Variants in AGAP1 observed in about 807,000 individuals in gnomAD.
The protein encoded by AGAP1 is arf-GAP with GTPase, ANK repeat and PH domain-containing protein 1.
A neutral mutation model predicts 105.3 loss-of-function variants in AGAP1; 29 were observed. That is an observed-to-expected ratio of 0.28 (90% CI 0.21 to 0.38). AGAP1 has a LOEUF of 0.38. Ranked by LOEUF, AGAP1 falls within the 10% of genes least tolerant of loss-of-function variation. AGAP1 has a pLI of 1.00. For missense variants in AGAP1, 998 were observed against 1,165.1 expected, an observed-to-expected ratio of 0.86 and a Z score of 2.09; for synonymous variants, 509 against 485.9, an observed-to-expected ratio of 1.05 and a Z score of -0.63.
At chr2:236,018,234 G>A (rs185589026) in intron 13 of AGAP1, among the ~76,000 whole-genome samples, 2 of 152,310 alleles carry the variant, frequency 1.3e-5, no homozygotes, top group Admixed American at 1.3e-4. Context: ...GAATGGAAGG[G>A]TGTCTTAATG....
chr2:235,751,803 G>A lies in AGAP1; in HGVS notation c.673+1315G>A, dbSNP rs565521113. Among the ~76,000 whole-genome samples the A allele has an allele frequency of 3.9e-5, 6 of 152,182 alleles. No homozygotes were observed. Among genetic ancestry groups the A allele is most frequent in the Admixed American group, 1.3e-4 (2 of 15,278 alleles). On this transcript the variant is annotated intron_variant, in intron 6 of 17. Transcript: ENST00000304032. This position sits in a 1 kb window ranked among gnomAD's most constrained non-coding sequence, Gnocchi z 5.3. ...TGCTTCATGGCTTAGGTTTCTTCTC[G>A]CCTTATCCAGTGCCAATGCTGAAGA...
In AGAP1 at chr2:235,951,884, T is replaced by C. The variant is rs1409569817; in HGVS notation, c.1484-16578T>C. On this transcript the variant is annotated intron_variant, in intron 12 of 17. Coordinates refer to ENST00000304032, the MANE Select transcript of AGAP1 (RefSeq NM_001037131.3). The surrounding 1 kb of genome is among the most constrained non-coding windows in gnomAD (Gnocchi z 4.2). ...GTTCCTTTCAAGAGGAAGTCTTAGC[T>C]ACAGATTTTTGGTGGAAACAAATGG... Among the ~76,000 whole-genome samples the C allele has an allele frequency of 6.6e-6, 1 of 152,152 alleles. No individual in the cohort carries two copies. Among genetic ancestry groups the C allele is most frequent in the Non-Finnish European group, 1.5e-5 (1 of 68,034 alleles).
At chr2:235,794,179 C>G (rs991094206) in intron 6 of AGAP1, among the ~76,000 whole-genome samples, 1 of 152,198 alleles carries the variant, frequency 6.6e-6, no homozygotes, top group Non-Finnish European at 1.5e-5. Context: ...TACACACACA[C>G]ACGCACACTT....
intron 13 of AGAP1, among the ~76,000 whole-genome samples, chr2:236,021,752 C>A (rs114281889): frequency 0.018 from 2,767 of 151,916 alleles, 78 homozygotes; most frequent in African/African-American, 0.063. Flanking sequence ...GTTTTGGAGT[C>A]TTTTCTTAAT....
chr2:235,619,352 G>C (rs548863559), intron 1 of AGAP1, among the ~76,000 whole-genome samples: 2 of 150,458 alleles, frequency 1.3e-5, no homozygotes, highest in Admixed American at 1.3e-4. Flanking sequence ...GGGCTGAAGT[G>C]GGGGAGCTGG....
In AGAP1 at chr2:235,953,287, A is replaced by G. The variant is rs376727829; in HGVS notation, c.1484-15175A>G. On this transcript the variant is annotated intron_variant, in intron 12 of 17. Coordinates refer to ENST00000304032, the MANE Select transcript of AGAP1 (RefSeq NM_001037131.3). The surrounding 1 kb of genome is among the most constrained non-coding windows in gnomAD (Gnocchi z 5.2). ...CATTTGATTTAACCCCCAAAAAAGT[A>G]CCCCGATGGTTCCCACAGTTGCCTT... Among the ~76,000 whole-genome samples the G allele has an allele frequency of 2.9e-3, 443 of 152,308 alleles. 1 individual carries two copies. The highest frequency in any genetic ancestry group is 4.9e-3 in the Non-Finnish European group (330 of 68,022).
intron 6 of AGAP1, among the ~76,000 whole-genome samples, chr2:235,772,039 A>C (rs369233821): frequency 7.6e-6 from 1 of 132,306 alleles, no homozygotes; most frequent in Non-Finnish European, 1.5e-5. Flanking sequence ...TCTGTTGCCC[A>C]GGCTGGAACG....
rs892261616 is a variant in AGAP1 at position 235,978,884 on chromosome 2, A to G, written c.1645+10261A>G. On this transcript the variant is annotated intron_variant, in intron 13 of 17. Transcript: ENST00000304032. ...TTGTGGTATGGCTTCCTTGCAAACAAGTGCATGCACACTCTGATACGTTTT... is the reference window on the plus strand; with the variant it reads ...TTGTGGTATGGCTTCCTTGCAAACAGGTGCATGCACACTCTGATACGTTTT... 3.9e-5 allele frequency among the ~76,000 whole-genome samples: 6 copies of G among 152,208 alleles called. No homozygotes were observed. In the East Asian group the frequency reaches 1.2e-3, roughly 29 times the overall value.
At chr2:235,525,193 T>C (rs997809698) in intron 1 of AGAP1, among the ~76,000 whole-genome samples, 3 of 152,250 alleles carry the variant, frequency 2.0e-5, no homozygotes, top group Non-Finnish European at 4.4e-5. Flanking sequence ...GATATTGATA[T>C]GATCTTAAGC....
At chr2:235,880,317 C>T (rs2049951829) in intron 9 of AGAP1, among the ~76,000 whole-genome samples, 1 of 151,984 alleles carries the variant, frequency 6.6e-6, no homozygotes, top group Admixed American at 6.6e-5. Flanking sequence ...CGTGGAGCCC[C>T]GAGGGTGTGC....
intron 9 of AGAP1, among the ~76,000 whole-genome samples, chr2:235,827,616 G>A (rs1320293919): frequency 1.3e-5 from 2 of 152,146 alleles, no homozygotes; most frequent in Non-Finnish European, 2.9e-5. Context: ...AGGGGAGAGG[G>A]TGTGGCTGTG....
At chr2:235,858,759 A>T (rs768029109) in intron 9 of AGAP1, among the ~76,000 whole-genome samples, 2 of 152,232 alleles carry the variant, frequency 1.3e-5, no homozygotes, top group African/African-American at 4.8e-5. Flanking sequence ...TGTGAAATTG[A>T]TGAGCAGGGA....
At position 235,830,084 on chromosome 2, in the gene AGAP1, A is replaced by C. The variant is rs1318006438; in HGVS notation, c.1050+22753A>C. ...GATGCAGAGCTTTGGCGGCTGGCTG[A>C]TGGAGTCGTTCTCATTTGTGAAGAC... On this transcript the variant is annotated intron_variant, in intron 9 of 17. Coordinates refer to ENST00000304032, the MANE Select transcript of AGAP1 (RefSeq NM_001037131.3). The surrounding 1 kb of genome is among the most constrained non-coding windows in gnomAD (Gnocchi z 5.5). 6.6e-6 allele frequency among the ~76,000 whole-genome samples: 1 copy of C among 152,122 alleles called. No individual in the cohort carries two copies. Among genetic ancestry groups the C allele is most frequent in the African/African-American group, 2.4e-5 (1 of 41,428 alleles).
chr2:235,584,878 C>CGT lies in AGAP1; in HGVS notation c.163+90032_163+90033dup, dbSNP rs544619901. Among the ~76,000 whole-genome samples the CGT allele has an allele frequency of 8.7e-5, 12 of 137,416 alleles. No homozygotes were observed. In the South Asian group the frequency reaches 2.9e-3, roughly 33 times the overall value. 90.2% of individuals were successfully genotyped at this position (137,416 alleles called of 152,430 possible). A position where few individuals can be genotyped will look rare whatever the true frequency, so the allele number is the denominator to read the frequency against. On this transcript the variant is annotated intron_variant, in intron 1 of 17. Transcript: ENST00000304032. ...TTGGAGGCCATTGGCTATTGTGTAT[C>CGT]GTGTATCGTGGCTAAGTCATTACCT...
chr2:235,796,587 A>C (rs1957254359), intron 6 of AGAP1, among the ~76,000 whole-genome samples: 1 of 152,162 alleles, frequency 6.6e-6, no homozygotes, highest in Admixed American at 6.5e-5. Flanking sequence ...ATTTTCACTT[A>C]ATCATATTTA....
chr2:235,765,842 G>T (rs564007491), intron 6 of AGAP1, among the ~76,000 whole-genome samples: 1 of 152,176 alleles, frequency 6.6e-6, no homozygotes, highest in Non-Finnish European at 1.5e-5. Context: ...ATACTCCCAT[G>T]CCCGCACCAA....
At chr2:235,636,160 CATCTT>C (rs1270907785) in intron 1 of AGAP1, among the ~76,000 whole-genome samples, 2 of 131,804 alleles carry the variant, frequency 1.5e-5, no homozygotes, top group African/African-American at 6.1e-5. Context: ...AATAAAGTCT[CATCTT>C]ATGGAGCAAA....
intron 1 of AGAP1, among the ~76,000 whole-genome samples, chr2:235,523,385 G>T (rs1448567770): frequency 6.6e-6 from 1 of 152,200 alleles, no homozygotes; most frequent in Non-Finnish European, 1.5e-5. Context: ...TTCCTTCCCT[G>T]TGGGGATCTA....
chr2:235,787,575 A>T lies in AGAP1; in HGVS notation c.674-10184A>T, dbSNP rs1042246798. On this transcript the variant is annotated intron_variant, in intron 6 of 17. Transcript: ENST00000304032. This position sits in a 1 kb window ranked among gnomAD's most constrained non-coding sequence, Gnocchi z 4.4. ...ATTTTCTAGATGATGCAGCTGGCAG[A>T]TTTGTCTGGATTTCACAATCTCCCA... is the stretch of plus-strand genomic sequence containing the variant. 3.3e-5 allele frequency among the ~76,000 whole-genome samples: 5 copies of T among 152,170 alleles called. No individual in the cohort carries two copies. Among genetic ancestry groups the T allele is most frequent in the Non-Finnish European group, 7.4e-5 (5 of 68,026 alleles).
Sources: allele counts gnomAD v4.1 joint callset (sites outside exome capture counted in the v4.1 genomes callset), GRCh38; gene constraint gnomAD v4.1.1; non-coding constraint Gnocchi (gnomAD v3.1); transcripts MANE v1.5; gene names NCBI Gene and HGNC (gene_info 2026-07-23, HGNC 2026-07-21).